The following CEMIP2 variants were observed in gnomAD, a reference collection of about 807,000 sequenced individuals.
CEMIP2 encodes cell migration inducing hyaluronidase 2, also known as cell surface hyaluronidase CEMIP2.
In CEMIP2, 79 loss-of-function variants were observed where a neutral mutation model predicts 146.9. The observed-to-expected ratio is 0.54, with a 90% CI of 0.45 to 0.65. CEMIP2 has a LOEUF of 0.65. CEMIP2 is among the 30% of genes least tolerant of loss of function. The pLI is 0.00. For missense variants in CEMIP2, 1,596 were observed against 1,696.2 expected (o/e 0.94, Z 1.04); for synonymous variants, 601 against 606.3 (o/e 0.99, Z 0.13).
chr9:71,746,629 A>T (rs1050311743), intron 2 of CEMIP2, among the ~76,000 whole-genome samples: 1 of 145,378 alleles, frequency 6.9e-6, no homozygotes, highest in Admixed American at 6.9e-5. Context: ...AGTTTCCCTG[A>T]ATCATCTACT....
intron 21 of CEMIP2, among the ~76,000 whole-genome samples, chr9:71,692,597 C>A (rs1436158993): frequency 1.3e-5 from 2 of 151,970 alleles, no homozygotes; most frequent in Non-Finnish European, 2.9e-5. Flanking sequence ...AGGAGGGGAA[C>A]AAGCATAAAC....
intron 18 of CEMIP2, among the ~76,000 whole-genome samples, chr9:71,703,518 C>T (rs1197078022): frequency 1.3e-5 from 2 of 152,194 alleles, no homozygotes; most frequent in East Asian, 3.8e-4. Context: ...TTCATTTCAA[C>T]TGGATGTTTT....
intron 18 of CEMIP2, among the ~76,000 whole-genome samples, chr9:71,704,108 G>A (rs1395994023): frequency 6.6e-6 from 1 of 152,074 alleles, no homozygotes; most frequent in African/African-American, 2.4e-5. Flanking sequence ...AATCAAGAAG[G>A]GATAAAATAG....
chr9:71,738,173 T>C (rs942841426), intron 5 of CEMIP2, among the ~76,000 whole-genome samples: 11 of 152,214 alleles, frequency 7.2e-5, no homozygotes, highest in African/African-American at 2.7e-4. Flanking sequence ...TTTCACATTT[T>C]TGCCAACAAA....
At position 71,746,355 on chromosome 9, in the gene CEMIP2, G is replaced by C; in HGVS notation, c.332-14C>G. On this transcript the variant is annotated splice_polypyrimidine_tract_variant and intron_variant, in intron 2 of 23. Coordinates refer to ENST00000377044, the MANE Select transcript of CEMIP2 (RefSeq NM_013390.3). ...CTGGGCAATTTTCTATAAACACATT[G>C]ATATTCCATCCAACCCATTAAAATG... 1 of 1,613,246 alleles carries C rather than the reference G, an allele frequency of 6.2e-7. No homozygotes were observed. Among genetic ancestry groups the C allele is most frequent in the Non-Finnish European group, 8.5e-7 (1 of 1,179,564 alleles).
At chr9:71,726,075 T>C (rs1315059573) in intron 10 of CEMIP2, among the ~76,000 whole-genome samples, 1 of 152,188 alleles carries the variant, frequency 6.6e-6, no homozygotes, top group Non-Finnish European at 1.5e-5. Context: ...ATGGTTTTTA[T>C]CTGTTTACCT....
chr9:71,725,371 C>T (rs768886210), intron 11 of CEMIP2, among the ~76,000 whole-genome samples: 11 of 152,144 alleles, frequency 7.2e-5, no homozygotes, highest in Non-Finnish European at 1.3e-4. Context: ...GTGGATGACA[C>T]AGCAAGAAGA....
chr9:71,718,930 T>C (rs956299539), intron 12 of CEMIP2, among the ~76,000 whole-genome samples: 2 of 152,130 alleles, frequency 1.3e-5, no homozygotes, highest in African/African-American at 4.8e-5. Flanking sequence ...ACCTTTTCTT[T>C]TTCTTCTCTC....
rs577266273 is a variant in CEMIP2, at chr9:71,732,662, A to G, written c.1394-142T>C. On this transcript the variant is annotated intron_variant, in intron 6 of 23. Coordinates refer to ENST00000377044, the MANE Select transcript of CEMIP2 (RefSeq NM_013390.3). Reference sequence around the variant, plus strand: ...CTGCTCCCATTCTCTGACACTTCAGAATCAGAATCCCAGGACACGGGGAAT... The same window carrying G: ...CTGCTCCCATTCTCTGACACTTCAGGATCAGAATCCCAGGACACGGGGAAT... 30 of 588,104 alleles carry G rather than the reference A, an allele frequency of 5.1e-5. No individual in the cohort carries two copies. In the South Asian group the frequency reaches 1.5e-3, roughly 29 times the overall value. The allele number at this position is 588,104 out of a possible 1,614,324, so 36.4% of individuals were successfully genotyped here. A position where few individuals can be genotyped will look rare whatever the true frequency, so the allele number is the denominator to read the frequency against.
chr9:71,709,722 C>T (rs764261268), intron 16 of CEMIP2, among the ~76,000 whole-genome samples: 2 of 152,136 alleles, frequency 1.3e-5, no homozygotes, highest in Non-Finnish European at 2.9e-5. Context: ...TAAACTTCAT[C>T]GTTATTTGTA....
rs921272292 is a variant in CEMIP2, at chr9:71,695,652, C to T, written c.3598-1045G>A. On this transcript the variant is annotated intron_variant, in intron 20 of 23. Coordinates refer to ENST00000377044, the MANE Select transcript of CEMIP2 (RefSeq NM_013390.3). Reference sequence around the variant, plus strand: ...TCGTACCACTGCTCTCTAGCCTGGGCGACAGAGTGAGACTCCATCTCAAAA... The same window carrying T: ...TCGTACCACTGCTCTCTAGCCTGGGTGACAGAGTGAGACTCCATCTCAAAA... Among the ~76,000 whole-genome samples the T allele has an allele frequency of 6.6e-5, 10 of 151,828 alleles. 1 individual carries two copies. Among genetic ancestry groups the T allele is most frequent in the African/African-American group, 2.4e-5 (1 of 41,318 alleles).
intron 1 of CEMIP2, among the ~76,000 whole-genome samples, chr9:71,767,210 T>C (rs1484685213): frequency 6.6e-6 from 1 of 152,226 alleles, no homozygotes; most frequent in Non-Finnish European, 1.5e-5. Flanking sequence ...TTTTTAACAC[T>C]GAGCCATTTC....
rs1589121188 is a variant in CEMIP2 at position 71,685,490 on chromosome 9, C to CCTCCG, written c.3956-98_3956-97insCGGAG. 3 of 1,322,664 alleles carry CCTCCG rather than the reference C, an allele frequency of 2.3e-6. No individual in the cohort carries two copies. The East Asian group carries it at 7.8e-5, about 34-fold the overall frequency. 81.9% of individuals were successfully genotyped at this position (1,322,664 alleles called of 1,614,324 possible). A position where few individuals can be genotyped will look rare whatever the true frequency, so the allele number is the denominator to read the frequency against. On this transcript the variant is annotated intron_variant, in intron 23 of 23. Transcript: ENST00000377044. ...GGAGGTGAGTCGGAGGTGAGCAAAA[C>CCTCCG]AAAGGCAGCTATTAAAAAACTCTGC...
At chr9:71,708,231 A>G (rs1822807675) in intron 17 of CEMIP2, among the ~76,000 whole-genome samples, 1 of 152,160 alleles carries the variant, frequency 6.6e-6, no homozygotes, top group African/African-American at 2.4e-5. Flanking sequence ...AATTGTCTGC[A>G]TGGGGCAGAG....
At chr9:71,694,146 A>G (rs1221808415) in intron 21 of CEMIP2, among the ~76,000 whole-genome samples, 1 of 149,198 alleles carries the variant, frequency 6.7e-6, no homozygotes, top group African/African-American at 2.5e-5. Flanking sequence ...TTTTGGAGAC[A>G]GAGTCTCACT....
intron 12 of CEMIP2, among the ~76,000 whole-genome samples, chr9:71,722,166 C>G (rs1334741262): frequency 1.3e-5 from 2 of 152,048 alleles, no homozygotes; most frequent in African/African-American, 2.4e-5. Context: ...TTTTTTCTTT[C>G]TCTTTCTGCA....
chr9:71,719,395 A>G (rs1305661367), intron 12 of CEMIP2, among the ~76,000 whole-genome samples: 1 of 152,214 alleles, frequency 6.6e-6, no homozygotes, highest in Non-Finnish European at 1.5e-5. Flanking sequence ...GACAGAATAG[A>G]GAGGAGGGCA....
intron 4 of CEMIP2, among the ~76,000 whole-genome samples, chr9:71,741,185 A>ATTTTTTTTTTT (rs79872255): frequency 1.4e-5 from 1 of 72,206 alleles, no homozygotes. Flanking sequence ...ACTGAGTTAG[A>ATTTTTTTTTTT]TTTTTTTTTT....
At chr9:71,768,090 C>T (rs1824854076) in intron 1 of CEMIP2, among the ~76,000 whole-genome samples, 1 of 152,194 alleles carries the variant, frequency 6.6e-6, no homozygotes, top group Non-Finnish European at 1.5e-5. Flanking sequence ...GACACCGTTC[C>T]CGAGGACCCT....
Sources: gnomAD v4.1 joint callset for allele counts (sites outside exome capture counted in the v4.1 genomes callset) on GRCh38, gnomAD v4.1.1 for gene constraint, MANE v1.5 for transcripts, NCBI Gene and HGNC (gene_info 2026-07-23, HGNC 2026-07-21) for gene names.